The following FRK variants were observed in gnomAD, a reference collection of about 807,000 sequenced individuals.
FRK encodes fyn related Src family tyrosine kinase, also known as tyrosine-protein kinase FRK.
Under a neutral mutation model 56.4 loss-of-function variants are expected in FRK, and 51 were observed. That is an observed-to-expected ratio of 0.90 (90% confidence interval 0.72 to 1.14). The LOEUF (loss-of-function observed/expected upper bound fraction) is 1.14. FRK is among the 50% of genes most tolerant of loss of function. The pLI, the probability that FRK is intolerant of heterozygous loss-of-function variation, is 0.00. For synonymous variants in FRK, 245 were observed against 217.9 expected (o/e 1.12, Z -1.10); for missense variants, 570 against 601.4 (o/e 0.95, Z 0.55).
intron 5 of FRK, among the ~76,000 whole-genome samples, chr6:115,950,630 A>G (rs1050626812): frequency 3.3e-5 from 5 of 152,196 alleles, no homozygotes; most frequent in Admixed American, 6.5e-5. Flanking sequence ...AGGATCTAGA[A>G]CTAGAAAATA....
intron 2 of FRK, among the ~76,000 whole-genome samples, chr6:115,984,090 C>CT (rs1741560013): frequency 6.6e-6 from 1 of 152,144 alleles, no homozygotes; most frequent in African/African-American, 2.4e-5. Flanking sequence ...GCATCTCCTC[C>CT]TTTATGAAAC....
At position 115,941,309 on chromosome 6, in the gene FRK, C is replaced by T. The variant is rs1562245509; in HGVS notation, c.*1105G>A. ...GCTGAACAATGAGAACATATGGACA[C>T]AAGGAGGGGAACATCACATACTGGG... is the stretch of plus-strand genomic sequence containing the variant. On this transcript the variant is annotated 3_prime_UTR_variant, in exon 8 of 8. Transcript: ENST00000606080. 6.6e-6 allele frequency: 1 copy of T among 151,454 alleles called. No homozygotes were observed. 9.4% of individuals were successfully genotyped at this position (151,454 alleles called of 1,614,324 possible). A position where few individuals can be genotyped will look rare whatever the true frequency, so the allele number is the denominator to read the frequency against.
At chr6:116,046,959 G>A (rs1776988241) in intron 1 of FRK, among the ~76,000 whole-genome samples, 1 of 151,524 alleles carries the variant, frequency 6.6e-6, no homozygotes, top group Admixed American at 6.6e-5. Flanking sequence ...TGGTCCTGAT[G>A]CCCCCATAAT....
intron 1 of FRK, among the ~76,000 whole-genome samples, chr6:116,048,863 GATTAA>G: frequency 6.6e-6 from 1 of 152,206 alleles, no homozygotes; most frequent in Admixed American, 6.5e-5. Flanking sequence ...CTATTAGAAG[GATTAA>G]ATTAGTTTTG....
intron 1 of FRK, among the ~76,000 whole-genome samples, chr6:116,053,503 A>G (rs898247180): frequency 1.3e-5 from 2 of 152,210 alleles, no homozygotes; most frequent in Admixed American, 1.3e-4. Context: ...ACTTCTATTC[A>G]TCAAAAAGCA....
intron 1 of FRK, chr6:116,039,578 T>A: frequency 1.2e-6 from 1 of 817,988 alleles, no homozygotes; most frequent in East Asian, 2.4e-5. Flanking sequence ...CCCCTGCACA[T>A]GTTTCTGATG....
intron 1 of FRK, among the ~76,000 whole-genome samples, chr6:116,050,509 C>A (rs1173050743): frequency 6.6e-6 from 1 of 152,180 alleles, no homozygotes; most frequent in East Asian, 1.9e-4. Context: ...ATCCCTAGAT[C>A]TAATAGTGGG....
the FRK span, among the ~76,000 whole-genome samples, chr6:116,096,386 T>C: frequency 6.6e-5 from 10 of 152,320 alleles, no homozygotes; most frequent in African/African-American, 2.4e-4. Context: ...ATTGTAAATG[T>C]ACCAATCAAT....
the FRK span, among the ~76,000 whole-genome samples, chr6:116,078,338 TG>T: frequency 6.6e-6 from 1 of 152,178 alleles, no homozygotes; most frequent in Non-Finnish European, 1.5e-5. Context: ...AATAGTCTCC[TG>T]GGAACAGTCC....
At chr6:116,069,292 G>A in the FRK span, among the ~76,000 whole-genome samples, 9 of 152,076 alleles carry the variant, frequency 5.9e-5, no homozygotes, top group African/African-American at 2.2e-4. Context: ...AAAATTTGTG[G>A]CTGGGCTGAC....
At chr6:116,097,231 T>C in the FRK span, among the ~76,000 whole-genome samples, 18 of 152,336 alleles carry the variant, frequency 1.2e-4, no homozygotes, top group South Asian at 3.7e-3. Context: ...TGTAGCTAAA[T>C]GTCTAATATT....
rs1036906074 is a variant in FRK at position 115,931,998 on chromosome 6, G to A, written c.*10416C>T. The A allele has an allele frequency of 5.3e-5, 8 of 152,148 alleles. No individual in the cohort carries two copies. Among genetic ancestry groups the A allele is most frequent in the East Asian group, 1.9e-4 (1 of 5,200 alleles). 9.4% of individuals were successfully genotyped at this position (152,148 alleles called of 1,614,324 possible). ...AAAATGAAAAAGATGTTACATTGACGTCTGTTGCTTCAAATGAATAATAGA... is the reference window on the plus strand; with the variant it reads ...AAAATGAAAAAGATGTTACATTGACATCTGTTGCTTCAAATGAATAATAGA... On this transcript the variant is annotated 3_prime_UTR_variant, in exon 8 of 8. Coordinates refer to ENST00000606080, the MANE Select transcript of FRK (RefSeq NM_002031.3).
chr6:116,026,135 A>C (rs1776080232), intron 1 of FRK, among the ~76,000 whole-genome samples: 1 of 152,158 alleles, frequency 6.6e-6, no homozygotes, highest in Non-Finnish European at 1.5e-5. Flanking sequence ...TCAATAAAGC[A>C]CAGAGAACAG....
rs542284890 is a variant in FRK at position 115,977,980 on chromosome 6, A to G, written c.467-9241T>C. 5.6e-4 allele frequency among the ~76,000 whole-genome samples: 86 copies of G among 152,308 alleles called. No individual in the cohort carries two copies. In the South Asian group the frequency reaches 7.5e-3, roughly 13 times the overall value. ...ATATTTTGCCAGCTAATTTAATTGA[A>G]AATTACAATTTCCCATGAAAAGTAC... On this transcript the variant is annotated intron_variant, in intron 2 of 7. Transcript: ENST00000606080.
chr6:116,017,779 T>A (rs1317957066), intron 1 of FRK, among the ~76,000 whole-genome samples: 2 of 152,164 alleles, frequency 1.3e-5, no homozygotes, highest in Non-Finnish European at 2.9e-5. Context: ...CACAGCTGTT[T>A]CTAGAAGAGG....
rs371315571 is a variant in FRK, at chr6:116,024,728, G to A, written c.345-20730C>T. Among the ~76,000 whole-genome samples the A allele has an allele frequency of 3.3e-5, 5 of 152,060 alleles. No individual in the cohort carries two copies. In the South Asian group the frequency reaches 8.3e-4, roughly 25 times the overall value. On this transcript the variant is annotated intron_variant, in intron 1 of 7. Coordinates refer to ENST00000606080, the MANE Select transcript of FRK (RefSeq NM_002031.3). The stretch of plus-strand genomic sequence containing the variant: ...GTGAACAGTGCCACAATAAACATAC[G>A]TGTGCATGTGTCTTTATAGCAGCAT...
In FRK at chr6:115,936,236, C is replaced by T. The variant is rs1212624449; in HGVS notation, c.*6178G>A. ...TGGACCTCCAGCAAACTCCAGCAGACCTGCAGCAGAGGGCACTAACTCTTA... is the reference window on the plus strand; with the variant it reads ...TGGACCTCCAGCAAACTCCAGCAGATCTGCAGCAGAGGGCACTAACTCTTA... On this transcript the variant is annotated 3_prime_UTR_variant, in exon 8 of 8. Transcript: ENST00000606080. The T allele has an allele frequency of 6.5e-6, 1 of 154,168 alleles. No homozygotes were observed. Among genetic ancestry groups the T allele is most frequent in the Non-Finnish European group, 1.4e-5 (1 of 69,690 alleles). 9.6% of individuals were successfully genotyped at this position (154,168 alleles called of 1,614,324 possible).
chr6:116,072,897 A>C, the FRK span, among the ~76,000 whole-genome samples: 1 of 152,164 alleles, frequency 6.6e-6, no homozygotes, highest in East Asian at 1.9e-4. Flanking sequence ...GATTAGCAAA[A>C]GGCTTAGGGT....
chr6:116,067,459 G>A, the FRK span, among the ~76,000 whole-genome samples: 9 of 151,796 alleles, frequency 5.9e-5, no homozygotes, highest in African/African-American at 1.9e-4. Flanking sequence ...TTTGCCTACT[G>A]AGTACAGTCT....
Sources: gnomAD v4.1 joint callset for allele counts (sites outside exome capture counted in the v4.1 genomes callset) on GRCh38, gnomAD v4.1.1 for gene constraint, MANE v1.5 for transcripts, NCBI Gene and HGNC (gene_info 2026-07-23, HGNC 2026-07-21) for gene names.